PEX5L: variants seen among roughly 807,000 people sequenced by gnomAD.
The protein encoded by PEX5L is peroxisomal biogenesis factor 5 like.
In PEX5L, 30 loss-of-function variants were observed where a neutral mutation model predicts 84.0. That is an observed-to-expected ratio of 0.36 (90% CI 0.27 to 0.48). The LOEUF (loss-of-function observed/expected upper bound fraction) is 0.48, where lower values mean the gene tolerates loss of function less well. PEX5L is among the 20% of genes least tolerant of loss of function. The pLI is 0.99. For missense variants in PEX5L, 533 were observed against 754.6 expected, an observed-to-expected ratio of 0.71 and a Z score of 3.44; for synonymous variants, 270 against 283.1, an observed-to-expected ratio of 0.95 and a Z score of 0.46.
intron 2 of PEX5L, among the ~76,000 whole-genome samples, chr3:179,926,548 C>A (rs1438007887): frequency 3.3e-5 from 5 of 152,314 alleles, no homozygotes; most frequent in African/African-American, 4.8e-5. Flanking sequence ...CCAAAATAGG[C>A]CCTCCTTTGC....
At chr3:180,010,724 T>C (rs1392474908) in intron 1 of PEX5L, among the ~76,000 whole-genome samples, 3 of 152,014 alleles carry the variant, frequency 2.0e-5, no homozygotes, top group Middle Eastern at 3.2e-3. Context: ...CATTTATCTA[T>C]AGAAAACTGA....
Position 180,036,740 on chromosome 3 carries a change from T to TC in PEX5L, c.-142dup, listed in dbSNP as rs1448367014. ...CTGAGCCCCCTGGAGCTCCGGGTAC[T>TC]CGGCCGGCCGGCGGCCACTCGGCAG... is the stretch of plus-strand genomic sequence containing the variant. On this transcript the variant is annotated 5_prime_UTR_variant, in exon 1 of 15. Transcript: ENST00000467460. 5.8e-6 allele frequency: 5 copies of TC among 868,404 alleles called. No homozygotes were observed. The highest frequency in any genetic ancestry group is 9.6e-6 in the Non-Finnish European group (5 of 522,124). The allele number at this position is 868,404 out of a possible 1,614,324, so 53.8% of individuals were successfully genotyped here.
chr3:179,987,071 T>A (rs1203280884), intron 1 of PEX5L, among the ~76,000 whole-genome samples: 1 of 152,204 alleles, frequency 6.6e-6, no homozygotes, highest in Non-Finnish European at 1.5e-5. Context: ...ATTGTTTACC[T>A]TTCTGTGCCT....
In PEX5L at chr3:179,894,177, G is replaced by A. The variant is rs199664977; in HGVS notation, c.198+3965C>T. Among the ~76,000 whole-genome samples the A allele has an allele frequency of 2.6e-5, 4 of 152,024 alleles. No individual in the cohort carries two copies. The East Asian group carries it at 5.8e-4, about 22-fold the overall frequency. On this transcript the variant is annotated intron_variant, in intron 3 of 14. Transcript: ENST00000467460. Reference sequence around the variant, plus strand: ...CCTATCCAAGCTTAGAAATTTATTCGGTGTCTGTCAATATAGTGACCATAC... The same window carrying A: ...CCTATCCAAGCTTAGAAATTTATTCAGTGTCTGTCAATATAGTGACCATAC...
At chr3:179,852,481 A>G (rs1195827384) in intron 8 of PEX5L, among the ~76,000 whole-genome samples, 1 of 152,206 alleles carries the variant, frequency 6.6e-6, no homozygotes, top group Non-Finnish European at 1.5e-5. Context: ...AAGCTCCCAT[A>G]TTTTGAAGGG....
intron 1 of PEX5L, among the ~76,000 whole-genome samples, chr3:179,990,453 C>T (rs937498673): frequency 1.3e-5 from 2 of 151,940 alleles, no homozygotes; most frequent in Admixed American, 1.3e-4. Context: ...GGCTAGAGTG[C>T]AGTGACATGA....
chr3:179,848,310 G>C (rs1740412280), intron 8 of PEX5L, among the ~76,000 whole-genome samples: 1 of 152,104 alleles, frequency 6.6e-6, no homozygotes, highest in African/African-American at 2.4e-5. Context: ...CAGCACTTTG[G>C]AAGGCTGAGG....
intron 1 of PEX5L, among the ~76,000 whole-genome samples, chr3:180,023,628 A>G (rs1390161732): frequency 6.6e-6 from 1 of 152,224 alleles, no homozygotes. Context: ...TAGAGCTGGA[A>G]GGAAAGCCAG....
intron 7 of PEX5L, among the ~76,000 whole-genome samples, chr3:179,867,101 A>G (rs1011676567): frequency 1.3e-5 from 2 of 151,914 alleles, no homozygotes; most frequent in Non-Finnish European, 2.9e-5. Flanking sequence ...TAAAGGAGCC[A>G]ATTCCTAGAG....
intron 5 of PEX5L, among the ~76,000 whole-genome samples, chr3:179,878,490 C>T (rs1217993507): frequency 6.6e-6 from 1 of 152,216 alleles, no homozygotes; most frequent in Non-Finnish European, 1.5e-5. Context: ...TATGATCTCA[C>T]CACTAGTGAT....
chr3:179,960,769 A>G (rs1208739337), intron 2 of PEX5L, among the ~76,000 whole-genome samples: 5 of 152,206 alleles, frequency 3.3e-5, no homozygotes, highest in Non-Finnish European at 1.5e-5. Context: ...GATTTGATTA[A>G]TGAAATCCAT....
intron 8 of PEX5L, among the ~76,000 whole-genome samples, chr3:179,822,668 T>C (rs1728941271): frequency 6.6e-6 from 1 of 152,250 alleles, no homozygotes; most frequent in South Asian, 2.1e-4. Context: ...ACCTTCGACA[T>C]AACTGAGGGG....
chr3:180,027,511 C>T (rs1408527363), intron 1 of PEX5L, among the ~76,000 whole-genome samples: 1 of 152,168 alleles, frequency 6.6e-6, no homozygotes, highest in African/African-American at 2.4e-5. Flanking sequence ...TATATACACA[C>T]ACACATGCAT....
chr3:179,954,682 C>T lies in PEX5L; in HGVS notation c.93+16912G>A, dbSNP rs73057366. The stretch of plus-strand genomic sequence containing the variant: ...GGGAAGGTGATTGACAGAGGTGGAG[C>T]GCGGGCTTTGGAGGCAGACAGACCT... On this transcript the variant is annotated intron_variant, in intron 2 of 14. Coordinates refer to ENST00000467460, the MANE Select transcript of PEX5L (RefSeq NM_016559.3). 3.3e-5 allele frequency among the ~76,000 whole-genome samples: 5 copies of T among 152,060 alleles called. No individual in the cohort carries two copies. The South Asian group carries it at 8.3e-4, about 25-fold the overall frequency.
chr3:179,827,495 G>A (rs1235025375), intron 8 of PEX5L, among the ~76,000 whole-genome samples: 1 of 152,164 alleles, frequency 6.6e-6, no homozygotes, highest in East Asian at 1.9e-4. Context: ...CTGACACCTT[G>A]TGGAACAAAG....
At chr3:179,966,714 A>G (rs1783427284) in intron 2 of PEX5L, among the ~76,000 whole-genome samples, 1 of 152,184 alleles carries the variant, frequency 6.6e-6, no homozygotes, top group Non-Finnish European at 1.5e-5. Context: ...AATGCTTATG[A>G]GCTATTGGAG....
chr3:179,842,876 G>T (rs1175717036), intron 8 of PEX5L, among the ~76,000 whole-genome samples: 1 of 152,010 alleles, frequency 6.6e-6, no homozygotes, highest in Non-Finnish European at 1.5e-5. Context: ...ACTTGGAAAG[G>T]GACTTGTTAG....
chr3:179,860,046 CAT>C (rs765780221), intron 7 of PEX5L, among the ~76,000 whole-genome samples: 2 of 152,158 alleles, frequency 1.3e-5, no homozygotes, highest in Non-Finnish European at 2.9e-5. Flanking sequence ...GTTTCAAAAA[CAT>C]ATGAAACATA....
intron 2 of PEX5L, among the ~76,000 whole-genome samples, chr3:179,916,354 A>T (rs140414143): frequency 6.6e-6 from 1 of 152,346 alleles, no homozygotes; most frequent in African/African-American, 2.4e-5. Flanking sequence ...TTGCAATTAT[A>T]ACACAATGGT....
Sources: allele counts gnomAD v4.1 joint callset (sites outside exome capture counted in the v4.1 genomes callset), GRCh38; gene constraint gnomAD v4.1.1; transcripts MANE v1.5; gene names NCBI Gene and HGNC (gene_info 2026-07-23, HGNC 2026-07-21).